The following ATP2C1 variants were observed in gnomAD, a reference collection of about 807,000 sequenced individuals.
ATP2C1 encodes the protein calcium-transporting ATPase type 2C member 1.
A neutral mutation model predicts 120.5 loss-of-function variants in ATP2C1; 31 were observed. That is an observed-to-expected ratio of 0.26 (90% CI 0.19 to 0.35). ATP2C1 has a LOEUF of 0.35. ATP2C1 is among the 10% of genes least tolerant of loss of function. The pLI, the probability that ATP2C1 is intolerant of heterozygous loss-of-function variation, is 1.00. For missense variants in ATP2C1, 731 were observed against 1,107.5 expected (o/e 0.66, Z 4.83); for synonymous variants, 351 against 358.7 (o/e 0.98, Z 0.24).
rs55687116 is a variant in ATP2C1 at position 130,907,079 on chromosome 3, TACACAC to T, written c.6+12322_6+12327del. Among the ~76,000 whole-genome samples the T allele has an allele frequency of 8.0e-5, 12 of 149,954 alleles. No individual in the cohort carries two copies. The South Asian group carries it at 1.7e-3, about 21-fold the overall frequency. On this transcript the variant is annotated intron_variant, in intron 2 of 27. Coordinates refer to ENST00000510168, the MANE Select transcript of ATP2C1 (RefSeq NM_001378687.1). ...TAAGAGTTCTTTATATATATGTGTG[TACACAC>T]ACACACACACACACACATACGTTTA...
chr3:130,943,804 A>G (rs2060023993), intron 8 of ATP2C1, among the ~76,000 whole-genome samples: 1 of 152,186 alleles, frequency 6.6e-6, no homozygotes, highest in African/African-American at 2.4e-5. Flanking sequence ...AACTTTCCTT[A>G]AAGAGTTGGG....
chr3:130,982,477 T>C (rs1383075157), intron 20 of ATP2C1, among the ~76,000 whole-genome samples: 1 of 152,196 alleles, frequency 6.6e-6, no homozygotes, highest in Non-Finnish European at 1.5e-5. Flanking sequence ...CCAGGTCCCA[T>C]AGGAAGTGCC....
intron 20 of ATP2C1, among the ~76,000 whole-genome samples, chr3:130,982,450 G>T (rs184310372): frequency 6.6e-6 from 1 of 152,298 alleles, no homozygotes; most frequent in East Asian, 1.9e-4. Flanking sequence ...GCCTATCAAA[G>T]CCTGGTTTGT....
At chr3:130,938,512 A>T (rs969369134) in intron 6 of ATP2C1, among the ~76,000 whole-genome samples, 9 of 152,194 alleles carry the variant, frequency 5.9e-5, no homozygotes, top group Non-Finnish European at 1.2e-4. Context: ...CCTAGTTGTT[A>T]TTAGTTCTGT....
chr3:130,964,944 T>G lies in ATP2C1; in HGVS notation c.1025-4T>G, dbSNP rs1311953183. The stretch of plus-strand genomic sequence containing the variant: ...TGGTGACTTGTAATGATTTAATTCT[T>G]TAGGCTGCTGTAATGTGATTTGTTC... On this transcript the variant is annotated splice_polypyrimidine_tract_variant and splice_region_variant and intron_variant, in intron 13 of 27. Transcript: ENST00000510168. The G allele has an allele frequency of 2.2e-5, 35 of 1,605,134 alleles. No homozygotes were observed. In the Admixed American group the frequency reaches 5.7e-4, roughly 26 times the overall value.
intron 1 of ATP2C1, among the ~76,000 whole-genome samples, chr3:130,872,900 C>T (rs1054523404): frequency 1.3e-5 from 2 of 152,072 alleles, no homozygotes; most frequent in African/African-American, 4.8e-5. Context: ...TACTTTTCAA[C>T]TCTGAGAAGA....
At chr3:130,974,641 A>C (rs891012395) in intron 17 of ATP2C1, among the ~76,000 whole-genome samples, 1 of 152,118 alleles carries the variant, frequency 6.6e-6, no homozygotes, top group Non-Finnish European at 1.5e-5. Flanking sequence ...TGCTTTAGCT[A>C]TATCATAAAG....
At chr3:130,923,384 G>A (rs1414948710) in intron 2 of ATP2C1, among the ~76,000 whole-genome samples, 1 of 151,842 alleles carries the variant, frequency 6.6e-6, no homozygotes, top group African/African-American at 2.4e-5. Context: ...ACACCACCAT[G>A]CCTGGCTAAT....
At chr3:130,851,141 T>C (rs2067662329) in intron 1 of ATP2C1, among the ~76,000 whole-genome samples, 1 of 152,106 alleles carries the variant, frequency 6.6e-6, no homozygotes, top group Non-Finnish European at 1.5e-5. Flanking sequence ...TTAAGCGGAG[T>C]TCTGTAATGA....
In ATP2C1 at chr3:131,013,573, T is replaced by C. The variant is rs114449882; in HGVS notation, c.2630-2579T>C. ...CCTAAAGTGCTCTTCAATCCTGTCATGGTCTCATTGACTAAGTACTTACTT... is the reference window on the plus strand; with the variant it reads ...CCTAAAGTGCTCTTCAATCCTGTCACGGTCTCATTGACTAAGTACTTACTT... On this transcript the variant is annotated intron_variant, in intron 26 of 26. Coordinates refer to the ATP2C1 transcript ENST00000328560. Among the ~76,000 whole-genome samples the C allele has an allele frequency of 3.5e-3, 527 of 152,366 alleles. 1 individual carries two copies. Among genetic ancestry groups the C allele is most frequent in the African/African-American group, 0.012 (500 of 41,582 alleles).
chr3:130,995,790 G>A (rs140650938), intron 22 of ATP2C1, among the ~76,000 whole-genome samples: 8,921 of 152,006 alleles, frequency 0.059, 842 homozygotes, highest in African/African-American at 0.2. Flanking sequence ...ACAGGCATGC[G>A]CCACCACACC....
rs72985738 is a variant in ATP2C1, at chr3:130,964,508, A to G, written c.1024+413A>G. Among the ~76,000 whole-genome samples, 497 of 152,208 alleles carry G rather than the reference A, an allele frequency of 3.3e-3. 3 individuals carry two copies. Among genetic ancestry groups the G allele is most frequent in the African/African-American group, 0.011 (474 of 41,558 alleles). On this transcript the variant is annotated intron_variant, in intron 13 of 27. Transcript: ENST00000510168. ...TTGCTGTAACAAAACTTTATGTGCA[A>G]TATGCTTTGAAACTCCAAAAATGTA...
chr3:130,917,333 A>G lies in ATP2C1; in HGVS notation c.7-13083A>G, dbSNP rs75994035. On this transcript the variant is annotated intron_variant, in intron 2 of 27. Transcript: ENST00000510168. ...GCAGTTGAGGAGAATAGTGGATTCT[A>G]TGAAGATAAACTTAACTACCAGGTA... 9.1e-3 allele frequency among the ~76,000 whole-genome samples: 1,386 copies of G among 152,362 alleles called. 15 individuals carry two copies. Among genetic ancestry groups the G allele is most frequent in the Middle Eastern group, 0.027 (8 of 294 alleles).
chr3:130,927,134 A>G (rs2059245933), intron 2 of ATP2C1, among the ~76,000 whole-genome samples: 1 of 152,224 alleles, frequency 6.6e-6, no homozygotes, highest in Non-Finnish European at 1.5e-5. Context: ...AACACTATAT[A>G]AGTACTATGT....
At chr3:130,862,275 G>A (rs894801275) in intron 1 of ATP2C1, among the ~76,000 whole-genome samples, 2 of 150,144 alleles carry the variant, frequency 1.3e-5, no homozygotes, top group African/African-American at 4.9e-5. Flanking sequence ...GAGCCACTGT[G>A]CCCGGCCTTT....
chr3:130,997,819 T>C (rs1220777073), intron 25 of ATP2C1, 66 bp downstream of exon 25: 22 of 1,553,278 alleles, frequency 1.4e-5, no homozygotes, highest in East Asian at 4.5e-5. Context: ...TTCTTAGTTA[T>C]TTTGATGGGT....
intron 20 of ATP2C1, among the ~76,000 whole-genome samples, chr3:130,982,142 A>G (rs1341514670): frequency 6.6e-6 from 1 of 151,960 alleles, no homozygotes; most frequent in Non-Finnish European, 1.5e-5. Flanking sequence ...GAAGTTTTAT[A>G]GTTTTGGGTT....
chr3:130,911,721 T>A (rs955132020), intron 2 of ATP2C1, among the ~76,000 whole-genome samples: 1 of 152,022 alleles, frequency 6.6e-6, no homozygotes, highest in African/African-American at 2.4e-5. Flanking sequence ...AAGCTACCGA[T>A]GACTTTCTTC....
chr3:130,867,015 G>A (rs553093386), intron 1 of ATP2C1, among the ~76,000 whole-genome samples: 5 of 152,182 alleles, frequency 3.3e-5, no homozygotes, highest in African/African-American at 1.2e-4. Context: ...TATTATATCT[G>A]TTATGATGAC....
Sources: allele counts gnomAD v4.1 joint callset (sites outside exome capture counted in the v4.1 genomes callset), GRCh38; gene constraint gnomAD v4.1.1; transcripts MANE v1.5; gene names NCBI Gene and HGNC (gene_info 2026-07-23, HGNC 2026-07-21).